Variants in CDH12 observed in about 807,000 individuals in gnomAD.
CDH12 encodes the protein cadherin-12.
Under a neutral mutation model 74.1 loss-of-function variants are expected in CDH12, and 41 were observed. The ratio of observed to expected loss-of-function variants is 0.55; its 90% CI spans 0.43 to 0.72. The LOEUF is 0.72. Ranked by LOEUF, CDH12 falls within the 30% of genes least tolerant of loss-of-function variation. CDH12 has a pLI of 0.00. For synonymous variants in CDH12, 399 were observed against 355.0 expected, an observed-to-expected ratio of 1.12 and a Z score of -1.39; for missense variants, 945 against 977.2, an observed-to-expected ratio of 0.97 and a Z score of 0.44.
intron 1 of CDH12, among the ~76,000 whole-genome samples, chr5:22,623,156 G>C (rs554787445): frequency 6.6e-6 from 1 of 152,274 alleles, no homozygotes; most frequent in South Asian, 2.1e-4. Context: ...ATTAGGTATT[G>C]ATGGGACGTA....
At chr5:22,414,800 A>T (rs1372522832) in intron 2 of CDH12, among the ~76,000 whole-genome samples, 1 of 151,946 alleles carries the variant, frequency 6.6e-6, no homozygotes, top group East Asian at 1.9e-4. Context: ...ACTTTTTCTA[A>T]TGATAAAAAT....
chr5:22,461,093 G>C (rs1745497533), intron 2 of CDH12, among the ~76,000 whole-genome samples: 2 of 140,640 alleles, frequency 1.4e-5, no homozygotes, highest in Non-Finnish European at 3.0e-5. Context: ...GAGTGAGGTG[G>C]CACGATCTCG....
At chr5:21,898,082 C>A (rs1385008979) in intron 6 of CDH12, among the ~76,000 whole-genome samples, 1 of 151,804 alleles carries the variant, frequency 6.6e-6, no homozygotes, top group Non-Finnish European at 1.5e-5. Context: ...AGTAAAAGTA[C>A]TTTCTTGAAT....
chr5:21,783,470 A>G lies in CDH12; in HGVS notation c.1281T>C (p.Asp427=). ...CATCTATTGTAAAGTAGCTGTCCCCATCACTCTTCCAATCTATGAAGTACC... is the reference window on the plus strand; with the variant it reads ...CATCTATTGTAAAGTAGCTGTCCCCGTCACTCTTCCAATCTATGAAGTACC... ...AVRYFIDWKS[D]GDSYFTIDGN... is the part of the protein sequence containing the mutation. The change falls in exon 11 of 15, where the codon GAT becomes GAC. Residue 427 remains aspartate (D), a synonymous_variant. Transcript: ENST00000382254. 6.2e-7 allele frequency: 1 copy of G among 1,607,110 alleles called. No homozygotes were observed. Among genetic ancestry groups the G allele is most frequent in the Non-Finnish European group, 8.5e-7 (1 of 1,173,708 alleles).
intron 4 of CDH12, among the ~76,000 whole-genome samples, chr5:22,085,637 T>C (rs554855537): frequency 2.6e-5 from 4 of 152,202 alleles, no homozygotes; most frequent in South Asian, 4.2e-4. Context: ...TAATTTGAAA[T>C]AGTAATCAAA....
intron 1 of CDH12, among the ~76,000 whole-genome samples, chr5:22,547,099 C>CA (rs763910525): frequency 1.7e-4 from 26 of 152,050 alleles, no homozygotes; most frequent in Non-Finnish European, 3.4e-4. Context: ...ATGCAGAAAA[C>CA]AGTGTCCTAA....
At chr5:22,107,298 AT>A (rs150794003) in intron 4 of CDH12, among the ~76,000 whole-genome samples, 2 of 151,402 alleles carry the variant, frequency 1.3e-5, no homozygotes, top group East Asian at 3.9e-4. Context: ...TGCCTGGCTA[AT>A]TTTTTTATTT....
At chr5:22,415,153 G>A (rs938787160) in intron 2 of CDH12, among the ~76,000 whole-genome samples, 1 of 152,014 alleles carries the variant, frequency 6.6e-6, no homozygotes, top group African/African-American at 2.4e-5. Context: ...CATTCTATAA[G>A]TAGCTCAGGT....
At chr5:22,153,169 C>G (rs1046492870) in intron 4 of CDH12, among the ~76,000 whole-genome samples, 6 of 140,534 alleles carry the variant, frequency 4.3e-5, no homozygotes, top group African/African-American at 1.5e-4. Flanking sequence ...CTTTTCTTTT[C>G]GTTTTTTTCT....
At chr5:22,237,836 T>C (rs1368777832) in intron 3 of CDH12, among the ~76,000 whole-genome samples, 3 of 152,176 alleles carry the variant, frequency 2.0e-5, no homozygotes, top group Non-Finnish European at 2.9e-5. Flanking sequence ...GCCTTGTTAA[T>C]ATACATACAT....
At chr5:22,194,060 G>A (rs1210628781) in intron 4 of CDH12, among the ~76,000 whole-genome samples, 1 of 152,118 alleles carries the variant, frequency 6.6e-6, no homozygotes, top group Non-Finnish European at 1.5e-5. Flanking sequence ...AACCCAGGAT[G>A]GAGTCTAGGG....
At chr5:22,568,484 C>T (rs1035528128) in intron 1 of CDH12, among the ~76,000 whole-genome samples, 2 of 152,164 alleles carry the variant, frequency 1.3e-5, no homozygotes, top group African/African-American at 2.4e-5. Context: ...TCTGACATAA[C>T]ATTTAATTTT....
chr5:22,669,381 T>C (rs889529398), intron 1 of CDH12, among the ~76,000 whole-genome samples: 6 of 151,030 alleles, frequency 4.0e-5, no homozygotes, highest in Non-Finnish European at 5.9e-5. Flanking sequence ...CGAGATGACT[T>C]CTGGGAAAAG....
intron 3 of CDH12, among the ~76,000 whole-genome samples, chr5:22,279,378 T>G (rs760520896): frequency 5.9e-5 from 9 of 152,236 alleles, no homozygotes; most frequent in Non-Finnish European, 1.2e-4. Flanking sequence ...CTGTTTTTTA[T>G]ATACATATTG....
At chr5:22,581,899 A>C (rs1740121581) in intron 1 of CDH12, among the ~76,000 whole-genome samples, 1 of 152,210 alleles carries the variant, frequency 6.6e-6, no homozygotes, top group Non-Finnish European at 1.5e-5. Context: ...TTCTATGAAA[A>C]AATAGGGGTA....
chr5:22,812,772 TG>T (rs1379968382), intron 1 of CDH12, among the ~76,000 whole-genome samples: 2 of 152,110 alleles, frequency 1.3e-5, no homozygotes, highest in African/African-American at 4.8e-5. Flanking sequence ...ACAGTTCCTA[TG>T]TGAGTCAGAT....
intron 1 of CDH12, among the ~76,000 whole-genome samples, chr5:22,698,515 T>C (rs1351269366): frequency 6.6e-6 from 1 of 151,318 alleles, no homozygotes; most frequent in East Asian, 1.9e-4. Context: ...CTGAAAGTAC[T>C]TAGGGAAGTT....
intron 1 of CDH12, among the ~76,000 whole-genome samples, chr5:22,666,993 C>A (rs774391202): frequency 6.6e-6 from 1 of 152,186 alleles, no homozygotes; most frequent in Non-Finnish European, 1.5e-5. Flanking sequence ...TGGCTAATAT[C>A]CATTCTGTTC....
At chr5:21,765,386 A>G (rs1431862103) in intron 11 of CDH12, among the ~76,000 whole-genome samples, 1 of 152,132 alleles carries the variant, frequency 6.6e-6, no homozygotes, top group Admixed American at 6.5e-5. Context: ...TCACAGAACC[A>G]ATCCTTACCA....
Sources: gnomAD v4.1 joint callset for allele counts (sites outside exome capture counted in the v4.1 genomes callset) on GRCh38, gnomAD v4.1.1 for gene constraint, MANE v1.5 for transcripts, NCBI Gene and HGNC (gene_info 2026-07-23, HGNC 2026-07-21) for gene names.